GLDN: variants seen among roughly 807,000 people sequenced by gnomAD.
GLDN encodes the protein gliomedin.
Under a neutral mutation model 56.5 loss-of-function variants are expected in GLDN, and 47 were observed. The observed-to-expected ratio is 0.83, with a 90% CI of 0.66 to 1.06. The LOEUF is 1.06. GLDN is among the 50% of genes least tolerant of loss of function. The pLI is 0.00. For missense variants in GLDN, 782 were observed against 714.3 expected, an observed-to-expected ratio of 1.09 and a Z score of -1.08; for synonymous variants, 332 against 278.8, an observed-to-expected ratio of 1.19 and a Z score of -1.90.
rs2037278247 is a variant in GLDN at position 51,360,643 on chromosome 15, A to G, written c.364-16806A>G. 3 of 152,348 alleles carry G rather than the reference A, an allele frequency of 2.0e-5. No individual in the cohort carries two copies. The East Asian group carries it at 5.8e-4, about 29-fold the overall frequency. The allele number at this position is 152,348 out of a possible 1,614,324, so 9.4% of individuals were successfully genotyped here. A position where few individuals can be genotyped will look rare whatever the true frequency, so the allele number is the denominator to read the frequency against. ...CGGATAACTATCCTCCAGGTCTGTCACCATCAAAGGGGTCCTAGGACAGCC... is the reference window on the plus strand; with the variant it reads ...CGGATAACTATCCTCCAGGTCTGTCGCCATCAAAGGGGTCCTAGGACAGCC... On this transcript the variant is annotated intron_variant, in intron 1 of 9. Coordinates refer to ENST00000335449, the MANE Select transcript of GLDN (RefSeq NM_181789.4).
rs73397521 is a variant in GLDN, at chr15:51,391,231, G to T, written c.542-3604G>T. On this transcript the variant is annotated intron_variant, in intron 4 of 9. Transcript: ENST00000335449. ...ATAGTGTTAAATACCTGACCCTGTG[G>T]GGGGCGCATTACAACAGCTGCCAGG... Among the ~76,000 whole-genome samples, 894 of 146,730 alleles carry T rather than the reference G, an allele frequency of 6.1e-3. 7 individuals carry two copies. The highest frequency in any genetic ancestry group is 0.024 in the African/African-American group (854 of 36,304).
chr15:51,347,834 A>G (rs1361007400), intron 1 of GLDN, among the ~76,000 whole-genome samples: 3 of 152,194 alleles, frequency 2.0e-5, no homozygotes, highest in Non-Finnish European at 4.4e-5. Flanking sequence ...CTATACACCC[A>G]CTGGAATACT....
intron 1 of GLDN, among the ~76,000 whole-genome samples, chr15:51,356,261 C>T (rs988570503): frequency 5.9e-5 from 9 of 151,570 alleles, no homozygotes; most frequent in African/African-American, 2.2e-4. Context: ...GCAGGTGTCT[C>T]GGCCTTATTT....
Position 51,400,219 on chromosome 15 carries a change from A to T in GLDN, c.845A>T (p.Asp282Val). 6.2e-7 allele frequency: 1 copy of T among 1,614,190 alleles called. No homozygotes were observed. Among genetic ancestry groups the T allele is most frequent in the South Asian group, 1.1e-5 (1 of 91,080 alleles). ...PGETCAIPND[D>V]TLVGKADEKA... ...GAGACTTGTGCCATACCAAATGATG[A>T]TACCTTGGTTGGAAAAGCTGATGAG... is the stretch of plus-strand genomic sequence containing the variant. The change falls in exon 7 of 10, where the codon GAT becomes GTT. Residue 282 changes from aspartate (D) to valine (V), a missense_variant. Coordinates refer to ENST00000335449, the MANE Select transcript of GLDN (RefSeq NM_181789.4).
At chr15:51,387,880 C>T (rs961489134) in intron 4 of GLDN, among the ~76,000 whole-genome samples, 1 of 152,202 alleles carries the variant, frequency 6.6e-6, no homozygotes, top group African/African-American at 2.4e-5. Flanking sequence ...GTACACTCAG[C>T]TCATCTAGTC....
intron 1 of GLDN, among the ~76,000 whole-genome samples, chr15:51,367,097 G>C (rs144567813): frequency 6.6e-6 from 1 of 152,260 alleles, no homozygotes; most frequent in East Asian, 1.9e-4. Context: ...ACCTGTCCAG[G>C]ATCTTGCTGT....
intron 9 of GLDN, 77 bp from the exon 10 acceptor site, chr15:51,404,200 T>C: frequency 8.6e-7 from 1 of 1,161,166 alleles, no homozygotes; most frequent in Non-Finnish European, 1.2e-6. Flanking sequence ...TAACTCAGTT[T>C]AATAGAGGAG....
chr15:51,366,817 T>G (rs76431602), intron 1 of GLDN, among the ~76,000 whole-genome samples: 19,861 of 151,990 alleles, frequency 0.13, 2,609 homozygotes, highest in African/African-American at 0.34. Context: ...AGAATTGCTT[T>G]AGCCTGGGAG....
chr15:51,368,328 C>A (rs868045892), intron 1 of GLDN, among the ~76,000 whole-genome samples: 3 of 151,962 alleles, frequency 2.0e-5, no homozygotes, highest in Non-Finnish European at 4.4e-5. Flanking sequence ...CAGTGACTGG[C>A]CACGCTGCTG....
Position 51,400,472 on chromosome 15 carries a change from G to A in GLDN, c.1001G>A (p.Arg334Gln), listed in dbSNP as rs759719608. The A allele has an allele frequency of 2.5e-5, 40 of 1,614,028 alleles. No homozygotes were observed. Among genetic ancestry groups the A allele is most frequent in the East Asian group, 2.5e-4 (11 of 44,896 alleles). The part of the protein sequence containing the change: ...IRESANKSDD[R>Q]IWVTEHFSGI... ...GAGTCTGCTAACAAGAGTGATGACC[G>A]GATTTGGGTGACAGAGCATTTTTCA... The change falls in exon 8 of 10, where the codon CGG (arginine) becomes CAG (glutamine). Residue 334 changes from arginine to glutamine, a missense_variant. Arg to Gln is a conservative substitution (Grantham distance 43, BLOSUM62 1). Transcript: ENST00000335449.
downstream of GLDN, among the ~76,000 whole-genome samples, chr15:51,409,438 T>C (rs1438992563): frequency 6.6e-6 from 1 of 152,148 alleles, no homozygotes; most frequent in African/African-American, 2.4e-5. Context: ...TAATCTTCTA[T>C]CTATTCACTG....
chr15:51,364,453 C>T (rs1335896748), intron 1 of GLDN, among the ~76,000 whole-genome samples: 1 of 152,158 alleles, frequency 6.6e-6, no homozygotes, highest in African/African-American at 2.4e-5. Flanking sequence ...AATCATAGCT[C>T]ACTGCAGCCT....
At chr15:51,397,435 C>T in intron 5 of GLDN, 35 bp from the exon 6 acceptor site, 2 of 1,234,248 alleles carry the variant, frequency 1.6e-6, no homozygotes, top group East Asian at 3.1e-5. Context: ...CTACCTCTTG[C>T]CTCCTTCTCT....
downstream of GLDN, among the ~76,000 whole-genome samples, chr15:51,411,178 T>G (rs1304622741): frequency 6.6e-6 from 1 of 152,174 alleles, no homozygotes; most frequent in African/African-American, 2.4e-5. Flanking sequence ...TAATCACCAA[T>G]AGAAAACTGA....
intron 6 of GLDN, among the ~76,000 whole-genome samples, chr15:51,399,010 A>G (rs905247673): frequency 3.3e-5 from 5 of 152,170 alleles, no homozygotes; most frequent in Non-Finnish European, 7.4e-5. Flanking sequence ...ATTATCTTCC[A>G]TTCTGCCTCC....
At position 51,376,467 on chromosome 15, in the gene GLDN, C is replaced by T. The variant is rs79807816; in HGVS notation, c.364-982C>T. On this transcript the variant is annotated intron_variant, in intron 1 of 9. Coordinates refer to ENST00000335449, the MANE Select transcript of GLDN (RefSeq NM_181789.4). ...GTGAGTGGTGAGTGAATGTGGAGGC[C>T]CAGGACATGACTGTACACCACTGTA... 2.2e-3 allele frequency among the ~76,000 whole-genome samples: 333 copies of T among 152,202 alleles called. 4 individuals carry two copies. Among genetic ancestry groups the T allele is most frequent in the African/African-American group, 7.7e-3 (318 of 41,522 alleles).
intron 1 of GLDN, among the ~76,000 whole-genome samples, chr15:51,360,773 G>A (rs1183387598): frequency 6.6e-6 from 1 of 152,162 alleles, no homozygotes; most frequent in Non-Finnish European, 1.5e-5. Context: ...TACTAGGGAG[G>A]GACATATTAG....
rs1438411528 is a variant in GLDN, at chr15:51,406,802, T to A, written c.*2048T>A. 6.6e-6 allele frequency: 1 copy of A among 152,226 alleles called. No individual in the cohort carries two copies. Among genetic ancestry groups the A allele is most frequent in the Non-Finnish European group, 1.5e-5 (1 of 68,040 alleles). 9.4% of individuals were successfully genotyped at this position (152,226 alleles called of 1,614,324 possible). A position where few individuals can be genotyped will look rare whatever the true frequency, so the allele number is the denominator to read the frequency against. On this transcript the variant is annotated 3_prime_UTR_variant, in exon 10 of 10. Transcript: ENST00000335449. Reference sequence around the variant, plus strand: ...ACTTTTCATTAGATTGGTTGTACCATGTCACCTTAGCTTTTAAAAATACTC... The same window carrying A: ...ACTTTTCATTAGATTGGTTGTACCAAGTCACCTTAGCTTTTAAAAATACTC...
At chr15:51,379,503 A>G (rs75598922) in intron 2 of GLDN, among the ~76,000 whole-genome samples, 4,906 of 152,280 alleles carry the variant, frequency 0.032, 277 homozygotes, top group African/African-American at 0.11. Context: ...GCAAATATCA[A>G]TCACGGATCA....
Sources: allele counts gnomAD v4.1 joint callset (sites outside exome capture counted in the v4.1 genomes callset), GRCh38; gene constraint gnomAD v4.1.1; transcripts MANE v1.5; gene names NCBI Gene and HGNC (gene_info 2026-07-23, HGNC 2026-07-21).